Variants in DOCK9 observed in about 807,000 individuals in gnomAD.
DOCK9 encodes dedicator of cytokinesis 9, also known as dedicator of cytokinesis protein 9.
DOCK9 carries 89 observed loss-of-function variants against 263.3 expected under a neutral mutation model. That is an observed-to-expected ratio of 0.34 (90% CI 0.28 to 0.40). The LOEUF is 0.40. DOCK9 is among the 10% of genes least tolerant of loss of function. DOCK9 has a pLI of 1.00. For synonymous variants in DOCK9, 976 were observed against 973.1 expected, an observed-to-expected ratio of 1.00 and a Z score of -0.06; for missense variants, 2,140 against 2,603.4, an observed-to-expected ratio of 0.82 and a Z score of 3.87.
intron 1 of DOCK9, among the ~76,000 whole-genome samples, chr13:98,975,516 A>G (rs2060186478): frequency 1.4e-5 from 2 of 139,512 alleles, no homozygotes; most frequent in African/African-American, 5.1e-5. Context: ...CACAAGTTAT[A>G]CTGTTCTAGG....
chr13:98,920,418 T>C (rs1456060763), intron 7 of DOCK9, among the ~76,000 whole-genome samples: 1 of 152,198 alleles, frequency 6.6e-6, no homozygotes, highest in Non-Finnish European at 1.5e-5. Context: ...TATTTGGTAC[T>C]GCCATTATCC....
At chr13:98,974,558 T>C (rs1222859902) in intron 1 of DOCK9, among the ~76,000 whole-genome samples, 1 of 151,826 alleles carries the variant, frequency 6.6e-6, no homozygotes, top group Non-Finnish European at 1.5e-5. Flanking sequence ...GAAACCAGCC[T>C]GACCAATATG....
At chr13:99,058,250 C>T (rs1450537361) in intron 1 of DOCK9, among the ~76,000 whole-genome samples, 4 of 151,784 alleles carry the variant, frequency 2.6e-5, no homozygotes, top group South Asian at 2.1e-4. Flanking sequence ...CTGCAACCTC[C>T]GCCACCCAGG....
At chr13:98,861,656 T>C (rs771554644) in intron 32 of DOCK9, among the ~76,000 whole-genome samples, 25 of 152,188 alleles carry the variant, frequency 1.6e-4, no homozygotes, top group Non-Finnish European at 2.9e-4. Context: ...AAAAGCTGAA[T>C]TGCAAGATGA....
intron 45 of DOCK9, among the ~76,000 whole-genome samples, chr13:98,823,934 C>T (rs1357973507): frequency 3.3e-5 from 5 of 152,192 alleles, no homozygotes; most frequent in Non-Finnish European, 7.4e-5. Flanking sequence ...AGGCAGGGAC[C>T]AAGGCCCTAG....
intron 1 of DOCK9, among the ~76,000 whole-genome samples, chr13:98,965,687 G>A (rs2059116781): frequency 6.6e-6 from 1 of 152,170 alleles, no homozygotes; most frequent in African/African-American, 2.4e-5. Flanking sequence ...GAGGAAAAAG[G>A]AAAACTTACC....
chr13:98,849,930 G>A, intron 36 of DOCK9, 117 bp downstream of exon 36: 1 of 723,212 alleles, frequency 1.4e-6, no homozygotes, highest in Non-Finnish European at 2.3e-6. Flanking sequence ...AGGGCTTAAG[G>A]AGTAAGTGAG....
At position 98,843,813 on chromosome 13, in the gene DOCK9, A is replaced by C. The variant is rs564474534; in HGVS notation, c.4198+2111T>G. On this transcript the variant is annotated intron_variant, in intron 38 of 52. Coordinates refer to ENST00000682017, the MANE Select transcript of DOCK9 (RefSeq NM_001366683.2). ...CCAGCTGTCTCTCTCCTCCAATTCA[A>C]GTTACCACCACAAAACCCATTTGCA... Among the ~76,000 whole-genome samples, 5 of 152,346 alleles carry C rather than the reference A, an allele frequency of 3.3e-5. No individual in the cohort carries two copies. The South Asian group carries it at 1.0e-3, about 32-fold the overall frequency.
At chr13:99,000,850 T>C (rs375207603) in intron 1 of DOCK9, among the ~76,000 whole-genome samples, 40 of 152,284 alleles carry the variant, frequency 2.6e-4, no homozygotes, top group African/African-American at 8.7e-4. Context: ...AACATCTAGC[T>C]GAGGTCATTC....
At chr13:99,032,322 A>C (rs532171882) in intron 1 of DOCK9, among the ~76,000 whole-genome samples, 1 of 152,066 alleles carries the variant, frequency 6.6e-6, no homozygotes, top group African/African-American at 2.4e-5. Context: ...AATACAAAAA[A>C]AAAATTAGCC....
chr13:98,935,817 C>T (rs555733615), intron 2 of DOCK9, among the ~76,000 whole-genome samples: 5 of 152,170 alleles, frequency 3.3e-5, no homozygotes, highest in South Asian at 4.2e-4. Flanking sequence ...ACCCATTAGG[C>T]TGGACCCATG....
chr13:98,894,134 G>A (rs1411362714), intron 15 of DOCK9, among the ~76,000 whole-genome samples: 1 of 152,180 alleles, frequency 6.6e-6, no homozygotes, highest in East Asian at 1.9e-4. Context: ...CTGAAGACAG[G>A]ACCATGCACT....
At chr13:98,928,058 G>C (rs1595396307) in intron 3 of DOCK9, among the ~76,000 whole-genome samples, 2 of 148,680 alleles carry the variant, frequency 1.3e-5, no homozygotes, top group East Asian at 3.9e-4. Context: ...TAAGTATTTA[G>C]AGATTCATTG....
chr13:98,974,295 T>G (rs1267565157), intron 1 of DOCK9, among the ~76,000 whole-genome samples: 1 of 152,054 alleles, frequency 6.6e-6, no homozygotes, highest in Non-Finnish European at 1.5e-5. Context: ...CTCAGTGGGG[T>G]TGGCAGTAAG....
At chr13:98,827,093 G>C (rs1887856) in intron 43 of DOCK9, among the ~76,000 whole-genome samples, 48,426 of 152,178 alleles carry the variant, frequency 0.32, 8,493 homozygotes, top group Non-Finnish European at 0.39. Context: ...TGGGAGTTGA[G>C]ATAAATGGCA....
chr13:99,008,204 CT>C (rs1567200769), intron 1 of DOCK9, among the ~76,000 whole-genome samples: 62 of 93,198 alleles, frequency 6.7e-4, no homozygotes, highest in African/African-American at 2.6e-3. Flanking sequence ...CTCTCTCTCT[CT>C]CTCTCTCTAT....
At chr13:99,049,254 C>A (rs75541044) in intron 1 of DOCK9, among the ~76,000 whole-genome samples, 2,548 of 152,302 alleles carry the variant, frequency 0.017, 75 homozygotes, top group African/African-American at 0.057. Context: ...TACCTTATCA[C>A]CCCTCACCTT....
chr13:99,079,509 A>C (rs2042042935), intron 1 of DOCK9, among the ~76,000 whole-genome samples: 1 of 152,266 alleles, frequency 6.6e-6, no homozygotes. Flanking sequence ...GTAACATAAT[A>C]AGAGCTTGCA....
At chr13:98,812,012 G>A (rs2091340748) in intron 45 of DOCK9, among the ~76,000 whole-genome samples, 1 of 151,796 alleles carries the variant, frequency 6.6e-6, no homozygotes, top group African/African-American at 2.4e-5. Context: ...TTTCTCTATT[G>A]GATTGCCTTT....
Sources: gnomAD v4.1 joint callset for allele counts (sites outside exome capture counted in the v4.1 genomes callset) on GRCh38, gnomAD v4.1.1 for gene constraint, MANE v1.5 for transcripts, NCBI Gene and HGNC (gene_info 2026-07-23, HGNC 2026-07-21) for gene names.